The following GHR variants were observed in gnomAD, a reference collection of about 807,000 sequenced individuals.
GHR encodes GH receptor.
In GHR, 35 loss-of-function variants were observed where a neutral mutation model predicts 67.1. The ratio of observed to expected loss-of-function variants is 0.52; its 90% CI spans 0.40 to 0.69. The LOEUF is 0.69. GHR is among the 30% of genes least tolerant of loss of function. The probability of loss-of-function intolerance (pLI) is 0.00; values close to 1 mark genes in which losing one functional copy is unlikely to be tolerated. For synonymous variants in GHR, 272 were observed against 269.1 expected, an observed-to-expected ratio of 1.01 and a Z score of -0.10; for missense variants, 792 against 764.6, an observed-to-expected ratio of 1.04 and a Z score of -0.42.
At chr5:42,540,109 GA>G (rs1248542698) in intron 1 of GHR, among the ~76,000 whole-genome samples, 6 of 151,164 alleles carry the variant, frequency 4.0e-5, no homozygotes, top group African/African-American at 1.5e-4. Flanking sequence ...AGATTATATT[GA>G]TAGATCTGCC....
chr5:42,499,053 G>A (rs1746432276), intron 1 of GHR, among the ~76,000 whole-genome samples: 2 of 152,164 alleles, frequency 1.3e-5, no homozygotes, highest in South Asian at 2.1e-4. Flanking sequence ...ATTTCTTTCT[G>A]GCTTCCATAG....
At chr5:42,566,905 G>T (rs1579953375) in intron 2 of GHR, among the ~76,000 whole-genome samples, 1 of 152,134 alleles carries the variant, frequency 6.6e-6, no homozygotes, top group African/African-American at 2.4e-5. Flanking sequence ...GTAGTGAGCT[G>T]CTGAGGGTGA....
intron 2 of GHR, among the ~76,000 whole-genome samples, chr5:42,608,249 A>G (rs1752722682): frequency 1.3e-5 from 2 of 152,226 alleles, no homozygotes; most frequent in Admixed American, 6.5e-5. Context: ...TTTTGTTAAC[A>G]TCTACACTAG....
At chr5:42,553,421 G>A (rs1192597075) in intron 1 of GHR, among the ~76,000 whole-genome samples, 1 of 152,008 alleles carries the variant, frequency 6.6e-6, no homozygotes, top group Non-Finnish European at 1.5e-5. Context: ...TGGTTTCTGT[G>A]TGCCCCCTTC....
intron 6 of GHR, among the ~76,000 whole-genome samples, chr5:42,706,927 A>C (rs1758204400): frequency 6.6e-6 from 1 of 152,068 alleles, no homozygotes. Flanking sequence ...GTGAAAAATT[A>C]CATTGATAAT....
At chr5:42,507,939 T>C (rs1387529730) in intron 1 of GHR, among the ~76,000 whole-genome samples, 1 of 152,158 alleles carries the variant, frequency 6.6e-6, no homozygotes, top group Non-Finnish European at 1.5e-5. Context: ...GTCAGCCTCC[T>C]GAGTGCAGAG....
At chr5:42,441,283 T>A (rs754321816) in intron 1 of GHR, among the ~76,000 whole-genome samples, 1 of 152,150 alleles carries the variant, frequency 6.6e-6, no homozygotes, top group Non-Finnish European at 1.5e-5. Context: ...AGGGGTAAAG[T>A]AAGAAGGTCC....
At chr5:42,622,393 G>T (rs1296452590) in intron 2 of GHR, among the ~76,000 whole-genome samples, 1 of 152,180 alleles carries the variant, frequency 6.6e-6, no homozygotes, top group East Asian at 1.9e-4. Flanking sequence ...TGGTGATTCT[G>T]ACCAGAGCAA....
intron 3 of GHR, among the ~76,000 whole-genome samples, chr5:42,663,988 T>A (rs1345436968): frequency 6.6e-6 from 1 of 152,170 alleles, no homozygotes; most frequent in Non-Finnish European, 1.5e-5. Context: ...GAACTCCCAT[T>A]CACAATTGCT....
At chr5:42,438,068 T>C (rs1579697866) in intron 1 of GHR, among the ~76,000 whole-genome samples, 2 of 152,352 alleles carry the variant, frequency 1.3e-5, no homozygotes, top group East Asian at 3.9e-4. Flanking sequence ...CAAAGGGCTA[T>C]GTATTCTCTA....
At chr5:42,702,311 T>C (rs1266622132) in intron 6 of GHR, among the ~76,000 whole-genome samples, 2 of 152,132 alleles carry the variant, frequency 1.3e-5, no homozygotes, top group African/African-American at 4.8e-5. Context: ...TGTTTTTCTG[T>C]CTCTGGATCA....
Position 42,721,796 on chromosome 5 carries a change from T to C in GHR, c.*2372T>C, listed in dbSNP as rs1253021414. On this transcript the variant is annotated 3_prime_UTR_variant, in exon 10 of 10. Transcript: ENST00000230882. ...TCTTTATGTCTGTGGATTTTTTCCTTCAAAGTTTAATAAATTTATTTTCTT... is the reference window on the plus strand; with the variant it reads ...TCTTTATGTCTGTGGATTTTTTCCTCCAAAGTTTAATAAATTTATTTTCTT... 1 of 152,632 alleles carries C rather than the reference T, an allele frequency of 6.6e-6. No homozygotes were observed. The highest frequency in any genetic ancestry group is 1.5e-5 in the Non-Finnish European group (1 of 68,042). The allele number at this position is 152,632 out of a possible 1,614,324, so 9.5% of individuals were successfully genotyped here.
chr5:42,454,776 C>A (rs539263369), intron 1 of GHR, among the ~76,000 whole-genome samples: 2 of 152,234 alleles, frequency 1.3e-5, no homozygotes, highest in African/African-American at 4.8e-5. Context: ...TTACTCCAGG[C>A]CATACACTTC....
intron 1 of GHR, among the ~76,000 whole-genome samples, chr5:42,432,950 A>G (rs2111904037): frequency 6.6e-6 from 1 of 152,336 alleles, no homozygotes; most frequent in South Asian, 2.1e-4. Flanking sequence ...ATTGACAAGA[A>G]GTTTGTGGAT....
intron 3 of GHR, among the ~76,000 whole-genome samples, chr5:42,665,176 G>A (rs1755890316): frequency 6.6e-6 from 1 of 152,130 alleles, no homozygotes; most frequent in Admixed American, 6.5e-5. Context: ...CAACCATTGT[G>A]GAAGTCAGTG....
intron 1 of GHR, chr5:42,468,783 G>A (rs970389211): frequency 9.2e-7 from 1 of 1,091,118 alleles, no homozygotes; most frequent in Non-Finnish European, 1.4e-6. Context: ...TCAGCACCTC[G>A]AAGGGGTCCG....
intron 6 of GHR, among the ~76,000 whole-genome samples, chr5:42,705,658 T>A (rs1758141305): frequency 6.6e-6 from 1 of 152,172 alleles, no homozygotes; most frequent in South Asian, 2.1e-4. Flanking sequence ...ATGTGGTATT[T>A]GTTTTCCTGT....
Position 42,432,112 on chromosome 5 carries a change from A to G in GHR, c.-12+8157A>G, listed in dbSNP as rs1743121696. 2.0e-5 allele frequency among the ~76,000 whole-genome samples: 3 copies of G among 152,248 alleles called. No homozygotes were observed. In the South Asian group the frequency reaches 6.2e-4, roughly 31 times the overall value. On this transcript the variant is annotated intron_variant, in intron 1 of 9. Transcript: ENST00000230882. ...TCCTCGGTTGTTTATAAAATTAAAC[A>G]TTTGAAGTAGCCTATTGAAAAGTCT...
At chr5:42,621,290 T>G (rs890273695) in intron 2 of GHR, among the ~76,000 whole-genome samples, 36 of 152,140 alleles carry the variant, frequency 2.4e-4, no homozygotes, top group Non-Finnish European at 1.2e-4. Flanking sequence ...TCAGTATTCT[T>G]TGTGAAAACA....
Sources: gnomAD v4.1 joint callset for allele counts (sites outside exome capture counted in the v4.1 genomes callset) on GRCh38, gnomAD v4.1.1 for gene constraint, MANE v1.5 for transcripts, NCBI Gene and HGNC (gene_info 2026-07-23, HGNC 2026-07-21) for gene names.